Variants in PPM1L observed in about 807,000 individuals in gnomAD.
The protein encoded by PPM1L is protein phosphatase 1L.
PPM1L carries 13 observed loss-of-function variants against 31.4 expected under a neutral mutation model. That is an observed-to-expected ratio of 0.41 (90% CI 0.27 to 0.66). The LOEUF (loss-of-function observed/expected upper bound fraction) is 0.66, where lower values mean the gene tolerates loss of function less well. Ranked by LOEUF, PPM1L falls within the 30% of genes least tolerant of loss-of-function variation. The pLI, the probability that PPM1L is intolerant of heterozygous loss-of-function variation, is 0.29. For missense variants in PPM1L, 326 were observed against 453.7 expected (o/e 0.72, Z 2.56); for synonymous variants, 184 against 175.4 (o/e 1.05, Z -0.39).
intron 1 of PPM1L, among the ~76,000 whole-genome samples, chr3:160,916,567 C>T (rs1453553543): frequency 1.3e-5 from 2 of 152,074 alleles, no homozygotes; most frequent in African/African-American, 4.8e-5. Context: ...CGTGCATGAT[C>T]TCAGATTTCA....
At chr3:160,839,217 A>C (rs142390109) in intron 1 of PPM1L, among the ~76,000 whole-genome samples, 2 of 152,366 alleles carry the variant, frequency 1.3e-5, no homozygotes, top group Non-Finnish European at 2.9e-5. Context: ...CAGAAAACAG[A>C]CTAAGACAAC....
chr3:160,878,506 G>A (rs1412012212), intron 1 of PPM1L, among the ~76,000 whole-genome samples: 2 of 152,138 alleles, frequency 1.3e-5, no homozygotes, highest in Non-Finnish European at 2.9e-5. Context: ...CAGCTCTCTG[G>A]TGGTGTCTTC....
chr3:160,970,440 G>A (rs1716288093), intron 2 of PPM1L, among the ~76,000 whole-genome samples: 1 of 134,252 alleles, frequency 7.4e-6, no homozygotes, highest in South Asian at 2.3e-4. Flanking sequence ...TTTTAACCAA[G>A]CTGAATATTT....
intron 1 of PPM1L, among the ~76,000 whole-genome samples, chr3:160,804,304 A>G (rs1431407575): frequency 6.6e-6 from 1 of 152,198 alleles, no homozygotes; most frequent in Non-Finnish European, 1.5e-5. Flanking sequence ...TTTTTGTTGA[A>G]TTATGAATGT....
chr3:161,012,613 C>G (rs1717933521), intron 2 of PPM1L, among the ~76,000 whole-genome samples: 1 of 151,710 alleles, frequency 6.6e-6, no homozygotes, highest in Admixed American at 6.6e-5. Context: ...CTCCTTGTAC[C>G]TCTGGTAGAA....
intron 1 of PPM1L, among the ~76,000 whole-genome samples, chr3:160,873,840 T>G (rs1254835109): frequency 3.3e-5 from 5 of 152,158 alleles, no homozygotes; most frequent in Non-Finnish European, 1.5e-5. Flanking sequence ...CTAATTAATT[T>G]AATACACGTC....
chr3:161,049,985 C>T (rs1429714899), intron 2 of PPM1L, among the ~76,000 whole-genome samples: 6 of 152,178 alleles, frequency 3.9e-5, no homozygotes, highest in African/African-American at 9.7e-5. Context: ...CCACTTTTCC[C>T]CCGACCTTCC....
chr3:160,955,138 G>T (rs1419225720), intron 1 of PPM1L, among the ~76,000 whole-genome samples: 1 of 151,920 alleles, frequency 6.6e-6, no homozygotes, highest in East Asian at 1.9e-4. Flanking sequence ...AGCCTCCCGA[G>T]TAGCTGGGAC....
intron 1 of PPM1L, among the ~76,000 whole-genome samples, chr3:160,838,655 C>T (rs1432276360): frequency 6.6e-6 from 1 of 152,028 alleles, no homozygotes; most frequent in Non-Finnish European, 1.5e-5. Flanking sequence ...AACCTCTTTT[C>T]TAAAGATTAA....
chr3:160,827,447 T>TTGTGTGTGTGTGTG (rs59524935), intron 1 of PPM1L, among the ~76,000 whole-genome samples: 1,612 of 141,392 alleles, frequency 0.011, 15 homozygotes, highest in Middle Eastern at 0.051. Flanking sequence ...TGATATAAGT[T>TTGTGTGTGTGTGTG]TGTGTGTGTG....
chr3:160,922,138 A>G (rs796759384), intron 1 of PPM1L, among the ~76,000 whole-genome samples: 49 of 152,132 alleles, frequency 3.2e-4, no homozygotes, highest in South Asian at 2.1e-3. Flanking sequence ...GTGAAACCCC[A>G]TCTCTGCTAA....
At chr3:160,853,164 G>A in intron 1 of PPM1L, among the ~76,000 whole-genome samples, 1 of 152,004 alleles carries the variant, frequency 6.6e-6, no homozygotes, top group South Asian at 2.1e-4. Flanking sequence ...TTGCATTTAG[G>A]GCCAAACTTC....
chr3:160,878,377 G>A (rs1474880267), intron 1 of PPM1L, among the ~76,000 whole-genome samples: 1 of 152,200 alleles, frequency 6.6e-6, no homozygotes, highest in Non-Finnish European at 1.5e-5. Context: ...TGGAGACTGG[G>A]AAGTCTAAAA....
intron 2 of PPM1L, among the ~76,000 whole-genome samples, chr3:161,041,968 G>A (rs2108089724): frequency 6.6e-6 from 1 of 152,188 alleles, no homozygotes; most frequent in South Asian, 2.1e-4. Context: ...AAGTATGGAA[G>A]ATAAAATAAA....
intron 1 of PPM1L, among the ~76,000 whole-genome samples, chr3:160,920,768 A>AT (rs1156986603): frequency 2.0e-5 from 3 of 152,000 alleles, no homozygotes; most frequent in African/African-American, 7.2e-5. Context: ...CTGTAAAGTT[A>AT]TTTTACTCAT....
At position 161,077,223 on chromosome 3, in the gene PPM1L, G is replaced by C. The variant is rs2108120798; in HGVS notation, c.*8066G>C. On this transcript the variant is annotated 3_prime_UTR_variant, in exon 4 of 4. Transcript: ENST00000498165. ...TTATTTCTCACATATAAGAGTAAGT[G>C]ATATGAGATTGGGAATTTCTTGCCA... The C allele has an allele frequency of 6.6e-6, 1 of 152,348 alleles. No homozygotes were observed. The highest frequency in any genetic ancestry group is 1.9e-4 in the East Asian group (1 of 5,188). 9.4% of individuals were successfully genotyped at this position (152,348 alleles called of 1,614,324 possible). A position where few individuals can be genotyped will look rare whatever the true frequency, so the allele number is the denominator to read the frequency against.
intron 2 of PPM1L, among the ~76,000 whole-genome samples, chr3:161,049,922 A>G (rs1432347522): frequency 6.6e-6 from 1 of 152,176 alleles, no homozygotes; most frequent in African/African-American, 2.4e-5. Context: ...TCCCTGGTCA[A>G]AGCTTCCCAT....
At chr3:160,972,012 C>G (rs1050637784) in intron 2 of PPM1L, among the ~76,000 whole-genome samples, 7 of 152,154 alleles carry the variant, frequency 4.6e-5, no homozygotes, top group Non-Finnish European at 7.3e-5. Flanking sequence ...AAGTGATCCT[C>G]CCACCTTGGC....
rs559849273 is a variant in PPM1L, at chr3:160,836,367, TAGC to T, written c.399+79663_399+79665del. Among the ~76,000 whole-genome samples, 27 of 152,038 alleles carry T rather than the reference TAGC, an allele frequency of 1.8e-4. No homozygotes were observed. In the South Asian group the frequency reaches 5.6e-3, roughly 32 times the overall value. ...GAAAGAGAGAGAGAGACAGACAGGT[TAGC>T]AGTGTGAATAGTGGGCAGGGGACTT... On this transcript the variant is annotated intron_variant, in intron 1 of 3. Coordinates refer to ENST00000498165, the MANE Select transcript of PPM1L (RefSeq NM_139245.4).
Sources: gnomAD v4.1 joint callset for allele counts (sites outside exome capture counted in the v4.1 genomes callset) on GRCh38, gnomAD v4.1.1 for gene constraint, MANE v1.5 for transcripts, NCBI Gene and HGNC (gene_info 2026-07-23, HGNC 2026-07-21) for gene names.